The following ZMAT4 variants were observed in gnomAD, a reference collection of about 807,000 sequenced individuals.
The protein encoded by ZMAT4 is zinc finger matrin-type protein 4.
Under a neutral mutation model 28.7 loss-of-function variants are expected in ZMAT4, and 17 were observed. The ratio of observed to expected loss-of-function variants is 0.59; its 90% CI spans 0.41 to 0.89. The LOEUF (loss-of-function observed/expected upper bound fraction) is 0.89. Ranked by LOEUF, ZMAT4 falls within the 40% of genes least tolerant of loss-of-function variation. The probability of loss-of-function intolerance (pLI) is 0.00; values close to 1 mark genes in which losing one functional copy is unlikely to be tolerated. For synonymous variants in ZMAT4, 117 were observed against 109.2 expected, an observed-to-expected ratio of 1.07 and a Z score of -0.44; for missense variants, 240 against 283.8, an observed-to-expected ratio of 0.85 and a Z score of 1.11.
intron 5 of ZMAT4, among the ~76,000 whole-genome samples, chr8:40,670,245 C>G (rs918941778): frequency 1.3e-5 from 2 of 152,086 alleles, no homozygotes; most frequent in Non-Finnish European, 2.9e-5. Flanking sequence ...CTCACACAAT[C>G]AAAAGATGTT....
At chr8:40,658,159 A>G (rs562883925) in intron 5 of ZMAT4, among the ~76,000 whole-genome samples, 5 of 152,102 alleles carry the variant, frequency 3.3e-5, no homozygotes, top group African/African-American at 1.2e-4. Flanking sequence ...CTGTGAGTAT[A>G]CTTTCCTTTA....
At chr8:40,544,804 T>G (rs1585664838) in intron 6 of ZMAT4, among the ~76,000 whole-genome samples, 1 of 152,150 alleles carries the variant, frequency 6.6e-6, no homozygotes, top group Non-Finnish European at 1.5e-5. Flanking sequence ...CTAGTTTTCA[T>G]GAAAAAGGAT....
At chr8:40,871,138 A>G (rs1490408710) in intron 1 of ZMAT4, among the ~76,000 whole-genome samples, 3 of 152,228 alleles carry the variant, frequency 2.0e-5, no homozygotes, top group African/African-American at 7.2e-5. Flanking sequence ...TCAGGTAAAG[A>G]CAGAGCTTGT....
At chr8:40,585,728 T>G (rs566665508) in intron 5 of ZMAT4, among the ~76,000 whole-genome samples, 1 of 152,266 alleles carries the variant, frequency 6.6e-6, no homozygotes, top group African/African-American at 2.4e-5. Flanking sequence ...TTTTAAATGC[T>G]TATCCAGGTC....
chr8:40,713,671 G>A (rs1412618492), intron 3 of ZMAT4, among the ~76,000 whole-genome samples: 1 of 152,012 alleles, frequency 6.6e-6, no homozygotes, highest in South Asian at 2.1e-4. Flanking sequence ...CACTTTGGGA[G>A]GCGGAGGCAG....
intron 2 of ZMAT4, among the ~76,000 whole-genome samples, chr8:40,795,997 C>G (rs1814579831): frequency 6.6e-6 from 1 of 152,198 alleles, no homozygotes; most frequent in Non-Finnish European, 1.5e-5. Flanking sequence ...CACTCAGAGT[C>G]TTCAATAGCA....
intron 3 of ZMAT4, among the ~76,000 whole-genome samples, chr8:40,753,493 C>T (rs1302090167): frequency 6.6e-6 from 1 of 152,136 alleles, no homozygotes; most frequent in Non-Finnish European, 1.5e-5. Flanking sequence ...CACTATGTTT[C>T]TTTATTTAAA....
intron 1 of ZMAT4, among the ~76,000 whole-genome samples, chr8:40,862,134 G>A (rs894852827): frequency 5.5e-5 from 5 of 91,354 alleles, no homozygotes; most frequent in Non-Finnish European, 1.2e-4. Context: ...TGTTTATTGC[G>A]GCACTATACA....
At chr8:40,661,169 T>C (rs897202308) in intron 5 of ZMAT4, among the ~76,000 whole-genome samples, 3 of 152,188 alleles carry the variant, frequency 2.0e-5, no homozygotes, top group Non-Finnish European at 4.4e-5. Flanking sequence ...GGCACAATCA[T>C]GGCTCACTGC....
At chr8:40,612,805 G>GTTT (rs1491257030) in intron 5 of ZMAT4, among the ~76,000 whole-genome samples, 25 of 93,632 alleles carry the variant, frequency 2.7e-4, no homozygotes, top group South Asian at 6.5e-4. Flanking sequence ...CTGTATTTTG[G>GTTT]TTTTTGTTTT....
chr8:40,703,225 T>A (rs1057127943), intron 3 of ZMAT4, among the ~76,000 whole-genome samples: 2 of 152,312 alleles, frequency 1.3e-5, no homozygotes, highest in South Asian at 4.1e-4. Context: ...ACTGAATGTA[T>A]TTCATTCAAG....
intron 1 of ZMAT4, among the ~76,000 whole-genome samples, chr8:40,848,883 C>G (rs1243176791): frequency 1.3e-5 from 2 of 152,180 alleles, no homozygotes; most frequent in African/African-American, 2.4e-5. Context: ...CCTGGTTCCA[C>G]AAAAACAAAG....
chr8:40,613,551 T>C (rs1176621479), intron 5 of ZMAT4, among the ~76,000 whole-genome samples: 2 of 152,172 alleles, frequency 1.3e-5, no homozygotes, highest in African/African-American at 4.8e-5. Context: ...TTTACTACTT[T>C]ATTCAGGTTT....
chr8:40,612,096 T>C (rs530239798), intron 5 of ZMAT4, among the ~76,000 whole-genome samples: 8 of 152,308 alleles, frequency 5.3e-5, no homozygotes, highest in East Asian at 3.9e-4. Context: ...TTTCCTGCTT[T>C]GTAAGAATGA....
intron 2 of ZMAT4, among the ~76,000 whole-genome samples, chr8:40,782,807 A>G (rs1329274078): frequency 6.6e-6 from 1 of 152,224 alleles, no homozygotes; most frequent in African/African-American, 2.4e-5. Flanking sequence ...GATACTCACC[A>G]TCACTGGTCA....
At chr8:40,828,334 T>G (rs1816153210) in intron 1 of ZMAT4, among the ~76,000 whole-genome samples, 1 of 152,242 alleles carries the variant, frequency 6.6e-6, no homozygotes, top group Non-Finnish European at 1.5e-5. Flanking sequence ...CTATTTCTAA[T>G]GAAGAAGCAC....
chr8:40,897,474 G>A (rs1048520949), intron 1 of ZMAT4, among the ~76,000 whole-genome samples: 2 of 152,144 alleles, frequency 1.3e-5, no homozygotes, highest in African/African-American at 2.4e-5. Flanking sequence ...AGCTAATTAG[G>A]AGTAGTAAAC....
chr8:40,839,611 T>C (rs374645745), intron 1 of ZMAT4, among the ~76,000 whole-genome samples: 13 of 152,332 alleles, frequency 8.5e-5, no homozygotes, highest in African/African-American at 2.9e-4. Context: ...TGGTTTACCA[T>C]AGAATACTAT....
intron 1 of ZMAT4, among the ~76,000 whole-genome samples, chr8:40,842,942 A>AT (rs1192644176): frequency 2.0e-5 from 3 of 152,018 alleles, no homozygotes; most frequent in Non-Finnish European, 4.4e-5. Context: ...TGCCTGGCTA[A>AT]TTTTTTGTAT....
Sources: allele counts gnomAD v4.1 joint callset (sites outside exome capture counted in the v4.1 genomes callset), GRCh38; gene constraint gnomAD v4.1.1; transcripts MANE v1.5; gene names NCBI Gene and HGNC (gene_info 2026-07-23, HGNC 2026-07-21).